Variants in RGS7 observed in about 807,000 individuals in gnomAD.
RGS7 encodes the protein regulator of G-protein signaling 7.
RGS7 carries 27 observed loss-of-function variants against 81.1 expected under a neutral mutation model. That is an observed-to-expected ratio of 0.33 (90% CI 0.25 to 0.46). The LOEUF (loss-of-function observed/expected upper bound fraction) is 0.46, where lower values mean the gene tolerates loss of function less well. RGS7 is among the 20% of genes least tolerant of loss of function. The pLI, the probability that RGS7 is intolerant of heterozygous loss-of-function variation, is 1.00. For missense variants in RGS7, 396 were observed against 607.4 expected, an observed-to-expected ratio of 0.65 and a Z score of 3.66; for synonymous variants, 208 against 207.7, an observed-to-expected ratio of 1.00 and a Z score of -0.01.
intron 2 of RGS7, among the ~76,000 whole-genome samples, chr1:241,340,978 G>A (rs997155183): frequency 6.6e-5 from 10 of 152,128 alleles, no homozygotes; most frequent in Non-Finnish European, 1.3e-4. Flanking sequence ...TCTCTGAAAC[G>A]GGAGGCACCA....
At chr1:240,798,827 C>G (rs550276961) in intron 18 of RGS7, among the ~76,000 whole-genome samples, 76 of 152,206 alleles carry the variant, frequency 5.0e-4, no homozygotes, top group African/African-American at 1.8e-3. Flanking sequence ...ACTATTTTCC[C>G]CTATTCCATT....
At chr1:241,307,288 A>G (rs2080235657) in intron 2 of RGS7, among the ~76,000 whole-genome samples, 1 of 152,346 alleles carries the variant, frequency 6.6e-6, no homozygotes, top group Admixed American at 6.5e-5. Context: ...AAAACTTACT[A>G]AATTCATGCG....
At chr1:241,102,244 A>G (rs1224334669) in intron 2 of RGS7, among the ~76,000 whole-genome samples, 1 of 114,416 alleles carries the variant, frequency 8.7e-6, no homozygotes, top group Non-Finnish European at 1.6e-5. Flanking sequence ...ACACATAAAA[A>G]AAACCCCTGC....
At chr1:241,247,489 C>T (rs2076605302) in intron 2 of RGS7, among the ~76,000 whole-genome samples, 1 of 152,070 alleles carries the variant, frequency 6.6e-6, no homozygotes, top group African/African-American at 2.4e-5. Flanking sequence ...ATCTCTCTTT[C>T]CCCCACAGGT....
intron 2 of RGS7, among the ~76,000 whole-genome samples, chr1:241,284,966 G>A (rs1481192997): frequency 6.6e-6 from 1 of 152,132 alleles, no homozygotes; most frequent in African/African-American, 2.4e-5. Context: ...CGCCTCCCGG[G>A]TTCACATCAT....
chr1:241,254,196 C>CT (rs2076956666), intron 2 of RGS7, among the ~76,000 whole-genome samples: 1 of 115,118 alleles, frequency 8.7e-6, no homozygotes, highest in Non-Finnish European at 1.8e-5. Context: ...AAGACTCCAT[C>CT]TCAAAAAAAA....
chr1:241,047,522 C>T (rs553189041), intron 3 of RGS7, among the ~76,000 whole-genome samples: 27 of 152,022 alleles, frequency 1.8e-4, no homozygotes, highest in Non-Finnish European at 3.4e-4. Flanking sequence ...ACATTATAAC[C>T]TTTATTATAC....
intron 3 of RGS7, among the ~76,000 whole-genome samples, chr1:240,996,018 G>GTT (rs527572328): frequency 1.3e-5 from 2 of 149,738 alleles, no homozygotes; most frequent in Admixed American, 6.6e-5. Context: ...TATTTTTATT[G>GTT]TTTTTTTTTT....
rs562589536 is a variant in RGS7, at chr1:241,266,959, A to G, written c.78+88740T>C. 6.6e-5 allele frequency among the ~76,000 whole-genome samples: 10 copies of G among 152,312 alleles called. No homozygotes were observed. The South Asian group carries it at 1.9e-3, about 28-fold the overall frequency. ...ATTCAGACATTTGGCCTCTGTATGT[A>G]CCGTGATTAAGCAAGTAAAGTCTGG... is the stretch of plus-strand genomic sequence containing the variant. On this transcript the variant is annotated intron_variant, in intron 2 of 18. Transcript: ENST00000440928.
intron 3 of RGS7, among the ~76,000 whole-genome samples, chr1:241,048,293 T>C (rs1034252643): frequency 1.3e-5 from 2 of 152,092 alleles, no homozygotes; most frequent in Non-Finnish European, 2.9e-5. Flanking sequence ...AGAAATAAAA[T>C]ATAAAAGTAA....
chr1:240,869,982 G>T, intron 7 of RGS7, 73 bp downstream of exon 7: 2 of 1,182,162 alleles, frequency 1.7e-6, no homozygotes, highest in South Asian at 1.2e-5. Context: ...TTAACATCCT[G>T]CCCAGAAAAG....
intron 9 of RGS7, among the ~76,000 whole-genome samples, chr1:240,839,606 G>A (rs530958094): frequency 6.6e-6 from 1 of 152,250 alleles, no homozygotes; most frequent in East Asian, 1.9e-4. Context: ...CATACTGAGA[G>A]CTAGAAATTT....
intron 3 of RGS7, among the ~76,000 whole-genome samples, chr1:241,009,969 G>T (rs921272020): frequency 6.6e-6 from 1 of 152,106 alleles, no homozygotes; most frequent in Non-Finnish European, 1.5e-5. Flanking sequence ...TCACTCATAG[G>T]TGGGAGTTGA....
At chr1:240,821,735 T>A (rs1440274513) in intron 10 of RGS7, among the ~76,000 whole-genome samples, 1 of 152,194 alleles carries the variant, frequency 6.6e-6, no homozygotes, top group African/African-American at 2.4e-5. Flanking sequence ...GATGTGCACA[T>A]TAGCTTTTCA....
At chr1:240,786,803 A>G (rs1271735132) in intron 18 of RGS7, among the ~76,000 whole-genome samples, 1 of 152,234 alleles carries the variant, frequency 6.6e-6, no homozygotes, top group African/African-American at 2.4e-5. Context: ...ACATTCGTAT[A>G]ACATTCCAAC....
At chr1:240,879,357 C>T (rs1162472145) in intron 6 of RGS7, among the ~76,000 whole-genome samples, 1 of 152,148 alleles carries the variant, frequency 6.6e-6, no homozygotes, top group Non-Finnish European at 1.5e-5. Context: ...ATATCTTTGC[C>T]TCACCATTTA....
chr1:241,090,766 T>C (rs2063821056), intron 3 of RGS7, among the ~76,000 whole-genome samples: 1 of 152,154 alleles, frequency 6.6e-6, no homozygotes. Context: ...GAAAAAACTA[T>C]AGTGGGTTAC....
intron 2 of RGS7, among the ~76,000 whole-genome samples, chr1:241,302,264 G>A (rs1447748188): frequency 2.0e-5 from 3 of 152,022 alleles, no homozygotes; most frequent in Admixed American, 6.6e-5. Flanking sequence ...CTTTGGCTTC[G>A]GCCGGCCGGG....
In RGS7 at chr1:241,173,315, G is replaced by A. The variant is rs61833782; in HGVS notation, c.79-74553C>T. On this transcript the variant is annotated intron_variant, in intron 2 of 18. Transcript: ENST00000440928. ...TTTCTTTTCCTATACAAATAAAGATGGCTTGCCTGTCTTACTCAGGTCATG... is the reference window on the plus strand; with the variant it reads ...TTTCTTTTCCTATACAAATAAAGATAGCTTGCCTGTCTTACTCAGGTCATG... Among the ~76,000 whole-genome samples, 1,152 of 152,212 alleles carry A rather than the reference G, an allele frequency of 7.6e-3. 8 individuals are homozygous for A. Among genetic ancestry groups the A allele is most frequent in the Non-Finnish European group, 0.012 (842 of 68,006 alleles).
Sources: gnomAD v4.1 joint callset for allele counts (sites outside exome capture counted in the v4.1 genomes callset) on GRCh38, gnomAD v4.1.1 for gene constraint, MANE v1.5 for transcripts, NCBI Gene and HGNC (gene_info 2026-07-23, HGNC 2026-07-21) for gene names.